The following CTNNA3 variants were observed in gnomAD, a reference collection of about 807,000 sequenced individuals.
The protein encoded by CTNNA3 is catenin alpha 3.
In CTNNA3, 76 loss-of-function variants were observed where a neutral mutation model predicts 95.7. The observed-to-expected ratio is 0.79, with a 90% CI of 0.66 to 0.96. The LOEUF (loss-of-function observed/expected upper bound fraction) is 0.96. CTNNA3 is among the 40% of genes least tolerant of loss of function. CTNNA3 has a pLI of 0.00. For missense variants in CTNNA3, 1,191 were observed against 1,089.8 expected (o/e 1.09, Z -1.31); for synonymous variants, 431 against 374.4 (o/e 1.15, Z -1.74).
At chr10:67,293,211 T>C (rs1267883039) in intron 5 of CTNNA3, among the ~76,000 whole-genome samples, 2 of 152,132 alleles carry the variant, frequency 1.3e-5, no homozygotes, top group Non-Finnish European at 2.9e-5. Flanking sequence ...CAACCTAATG[T>C]TTTGAGGAAA....
At chr10:66,676,972 A>T (rs1434969288) in intron 9 of CTNNA3, among the ~76,000 whole-genome samples, 1 of 152,132 alleles carries the variant, frequency 6.6e-6, no homozygotes, top group Non-Finnish European at 1.5e-5. Flanking sequence ...GCAGAAACCC[A>T]AGCCACATTC....
intron 17 of CTNNA3, among the ~76,000 whole-genome samples, chr10:65,937,385 G>A (rs969778476): frequency 1.3e-5 from 2 of 152,070 alleles, no homozygotes; most frequent in Non-Finnish European, 2.9e-5. Flanking sequence ...CTATGATTTT[G>A]CCAATCTTAT....
chr10:66,420,414 C>T (rs140286447), intron 11 of CTNNA3, among the ~76,000 whole-genome samples: 13 of 152,102 alleles, frequency 8.5e-5, no homozygotes, highest in Non-Finnish European at 1.8e-4. Context: ...TTATTAAAAA[C>T]GCAGTAAAAT....
intron 5 of CTNNA3, among the ~76,000 whole-genome samples, chr10:67,388,198 T>C (rs374246781): frequency 1.0e-5 from 1 of 98,198 alleles, no homozygotes; most frequent in Non-Finnish European, 2.0e-5. Flanking sequence ...GAATAACCAA[T>C]ACAGAGAAGT....
At chr10:66,252,028 A>T (rs985402646) in intron 13 of CTNNA3, among the ~76,000 whole-genome samples, 8 of 152,212 alleles carry the variant, frequency 5.3e-5, no homozygotes, top group African/African-American at 1.9e-4. Context: ...TATGAAAACC[A>T]TCAATTTAAT....
At chr10:66,442,534 T>C (rs1204609644) in intron 11 of CTNNA3, among the ~76,000 whole-genome samples, 1 of 152,186 alleles carries the variant, frequency 6.6e-6, no homozygotes, top group Non-Finnish European at 1.5e-5. Context: ...ATAAAACAGA[T>C]TCACTTATAT....
At chr10:66,595,692 A>G (rs1307921720) in intron 10 of CTNNA3, among the ~76,000 whole-genome samples, 5 of 152,204 alleles carry the variant, frequency 3.3e-5, no homozygotes, top group Non-Finnish European at 5.9e-5. Context: ...GCCAGAGGGA[A>G]GTAGTAGGAT....
intron 12 of CTNNA3, among the ~76,000 whole-genome samples, chr10:66,290,111 AGTT>A: frequency 6.6e-6 from 1 of 152,174 alleles, no homozygotes; most frequent in South Asian, 2.1e-4. Flanking sequence ...TAGTAGGAGA[AGTT>A]GGGTGGATAG....
chr10:66,685,522 G>A (rs369656368), intron 9 of CTNNA3, among the ~76,000 whole-genome samples: 5 of 148,592 alleles, frequency 3.4e-5, no homozygotes, highest in African/African-American at 1.2e-4. Context: ...ACAGGCACCC[G>A]CCACCACGCC....
intron 9 of CTNNA3, among the ~76,000 whole-genome samples, chr10:66,701,889 C>G (rs149205654): frequency 6.6e-6 from 1 of 152,100 alleles, no homozygotes; most frequent in Non-Finnish European, 1.5e-5. Flanking sequence ...TTATATGCAC[C>G]TTATACCCAT....
chr10:66,401,907 C>T lies in CTNNA3; in HGVS notation c.1532-22555G>A, dbSNP rs138454056. Among the ~76,000 whole-genome samples, 1,195 of 152,124 alleles carry T rather than the reference C, an allele frequency of 7.9e-3. 9 individuals carry two copies. Among genetic ancestry groups the T allele is most frequent in the African/African-American group, 0.027 (1,138 of 41,504 alleles). ...CTCCTGACCTCAGGTGATCCACCTGCCTCAGTCTCCCAAAAGTGTTGGGAT... is the reference window on the plus strand; with the variant it reads ...CTCCTGACCTCAGGTGATCCACCTGTCTCAGTCTCCCAAAAGTGTTGGGAT... On this transcript the variant is annotated intron_variant, in intron 11 of 17. Coordinates refer to ENST00000433211, the MANE Select transcript of CTNNA3 (RefSeq NM_013266.4).
chr10:66,348,690 A>G (rs1456746962), intron 12 of CTNNA3, among the ~76,000 whole-genome samples: 1 of 152,102 alleles, frequency 6.6e-6, no homozygotes, highest in African/African-American at 2.4e-5. Flanking sequence ...TTTACAATCA[A>G]TCTTGCCTCC....
At chr10:65,959,568 AGGG>A (rs2077800782) in intron 17 of CTNNA3, among the ~76,000 whole-genome samples, 1 of 152,098 alleles carries the variant, frequency 6.6e-6, no homozygotes, top group Non-Finnish European at 1.5e-5. Context: ...TCTATCACCC[AGGG>A]TGGAATGCAG....
At chr10:67,718,570 G>A (rs1019089197) in intron 1 of CTNNA3, among the ~76,000 whole-genome samples, 3 of 152,108 alleles carry the variant, frequency 2.0e-5, no homozygotes, top group African/African-American at 7.2e-5. Context: ...ATAATCAAGT[G>A]GTTTTTGTAG....
At chr10:66,006,400 A>G (rs1185893802) in intron 15 of CTNNA3, among the ~76,000 whole-genome samples, 1 of 152,064 alleles carries the variant, frequency 6.6e-6, no homozygotes, top group Non-Finnish European at 1.5e-5. Flanking sequence ...CCAACAAACC[A>G]AAAGACTAAA....
chr10:66,984,987 T>A (rs1850647144), intron 7 of CTNNA3, among the ~76,000 whole-genome samples: 1 of 152,168 alleles, frequency 6.6e-6, no homozygotes, highest in South Asian at 2.1e-4. Flanking sequence ...TCTCTCTTCT[T>A]CACTACTGTT....
chr10:66,797,305 G>A (rs1324329261), intron 7 of CTNNA3, among the ~76,000 whole-genome samples: 1 of 151,194 alleles, frequency 6.6e-6, no homozygotes, highest in Non-Finnish European at 1.5e-5. Flanking sequence ...TGATGCCAAT[G>A]TGGTACTTAA....
rs566262961 is a variant in CTNNA3 at position 67,340,657 on chromosome 10, A to G, written c.580-120787T>C. 5.3e-5 allele frequency among the ~76,000 whole-genome samples: 8 copies of G among 152,320 alleles called. No homozygotes were observed. In the South Asian group the frequency reaches 1.7e-3, roughly 32 times the overall value. ...CAATCAGGAAGTCTTCCTTTTAACT[A>G]TGGCACAACCGTTCAGATTCACCTG... On this transcript the variant is annotated intron_variant, in intron 5 of 17. Transcript: ENST00000433211.
At chr10:67,571,615 T>A (rs1191077544) in intron 3 of CTNNA3, among the ~76,000 whole-genome samples, 1 of 152,188 alleles carries the variant, frequency 6.6e-6, no homozygotes, top group Non-Finnish European at 1.5e-5. Context: ...CTATAGTTTA[T>A]ACAGGCTGGG....
Sources: gnomAD v4.1 joint callset for allele counts (sites outside exome capture counted in the v4.1 genomes callset) on GRCh38, gnomAD v4.1.1 for gene constraint, MANE v1.5 for transcripts, NCBI Gene and HGNC (gene_info 2026-07-23, HGNC 2026-07-21) for gene names.